Variants in SLC13A4 observed in about 807,000 individuals in gnomAD.
SLC13A4 encodes Na(+)/sulfate cotransporter SUT-1.
In SLC13A4, 28 loss-of-function variants were observed where a neutral mutation model predicts 72.7. The ratio of observed to expected loss-of-function variants is 0.39; its 90% CI spans 0.29 to 0.53. SLC13A4 has a LOEUF of 0.53. Among genes scored for constraint, SLC13A4 ranks in the 20% least tolerant of loss-of-function variants. SLC13A4 has a pLI of 0.78. For synonymous variants in SLC13A4, 312 were observed against 325.5 expected, an observed-to-expected ratio of 0.96 and a Z score of 0.45; for missense variants, 653 against 788.0, an observed-to-expected ratio of 0.83 and a Z score of 2.05.
chr7:135,685,524 G>C lies in SLC13A4; in HGVS notation c.1606C>G (p.Leu536Val). The change falls in exon 14 of 16, where the codon CTG becomes GTG. Residue 536 changes from leucine to valine, a missense_variant and splice_region_variant. By Grantham distance (32) the Leu-to-Val change is conservative. Coordinates refer to ENST00000682651, the MANE Select transcript of SLC13A4 (RefSeq NM_001318192.2). ...ITIFLPILCS[L>V]SETLHINPLY... is the part of the protein sequence containing the mutation. ...TCTGGGAGCTCCGCATTACTCACCA[G>C]GCTGCACAGGATGGGCAGGAAGATG... 6.2e-7 allele frequency: 1 copy of C among 1,614,012 alleles called. No individual in the cohort carries two copies. Among genetic ancestry groups the C allele is most frequent in the South Asian group, 1.1e-5 (1 of 91,064 alleles).
chr7:135,715,364 T>C (rs1387004348), intron 2 of SLC13A4, among the ~76,000 whole-genome samples: 1 of 106,470 alleles, frequency 9.4e-6, no homozygotes, highest in South Asian at 3.1e-4. Flanking sequence ...TATGAGTGTA[T>C]GTGTATGAGT....
intron 7 of SLC13A4, 75 bp from the exon 8 acceptor site, chr7:135,699,623 C>G (rs1160990834): frequency 8.1e-6 from 11 of 1,353,846 alleles, no homozygotes; most frequent in African/African-American, 1.5e-5. Context: ...GCAGGAGGCA[C>G]CATGGTACAG....
At chr7:135,691,414 G>A (rs1795783871) in intron 12 of SLC13A4, 89 bp from the exon 13 acceptor site, 15 of 1,293,152 alleles carry the variant, frequency 1.2e-5, no homozygotes, top group African/African-American at 1.6e-5. Flanking sequence ...GGATGATTTG[G>A]GATACTGCTA....
intron 2 of SLC13A4, among the ~76,000 whole-genome samples, chr7:135,714,982 GTGTA>G (rs1417988711): frequency 6.9e-6 from 1 of 145,094 alleles, no homozygotes; most frequent in Non-Finnish European, 1.5e-5. Flanking sequence ...GTGAAAGTGT[GTGTA>G]TGTGTGTGTA....
intron 13 of SLC13A4, among the ~76,000 whole-genome samples, chr7:135,690,702 C>G (rs1024460023): frequency 1.3e-5 from 2 of 149,090 alleles, no homozygotes; most frequent in African/African-American, 2.5e-5. Flanking sequence ...CCATCTGTTC[C>G]TCTGTTCCTA....
chr7:135,684,809 A>G (rs1033662651), intron 14 of SLC13A4, among the ~76,000 whole-genome samples: 1 of 152,154 alleles, frequency 6.6e-6, no homozygotes, highest in African/African-American at 2.4e-5. Flanking sequence ...AGCAGAGAGT[A>G]TGGCTCTGGG....
At chr7:135,711,780 C>A (rs1156776977) in intron 2 of SLC13A4, among the ~76,000 whole-genome samples, 1 of 151,876 alleles carries the variant, frequency 6.6e-6, no homozygotes, top group Non-Finnish European at 1.5e-5. Context: ...TTTTTTGAGA[C>A]AGAGAGTTGT....
At chr7:135,703,305 T>G (rs529303903) in intron 5 of SLC13A4, 16 of 176,144 alleles carry the variant, frequency 9.1e-5, no homozygotes, top group African/African-American at 3.3e-4. Context: ...AGTCCAGGAG[T>G]CTGTCTCTCT....
chr7:135,691,933 G>C, intron 11 of SLC13A4: 1 of 428,202 alleles, frequency 2.3e-6, no homozygotes, highest in African/African-American at 2.0e-5. Flanking sequence ...GAGTTGGTTA[G>C]ATAAAGGAGA....
rs148369454 is a variant in SLC13A4 at position 135,684,126 on chromosome 7, T to A, written c.1744A>T (p.Met582Leu). 40 of 1,603,090 alleles carry A rather than the reference T, an allele frequency of 2.5e-5. No homozygotes were observed. The African/African-American group carries it at 3.5e-4, about 14-fold the overall frequency. The change falls in exon 15 of 16, where the codon ATG (methionine) becomes TTG (leucine). Residue 582 changes from methionine (M) to leucine (L), a missense_variant and splice_region_variant. By Grantham distance (15) the Met-to-Leu change is conservative. Coordinates refer to ENST00000682651, the MANE Select transcript of SLC13A4 (RefSeq NM_001318192.2). ...FSYGHCQIKD[M>L]VKAGLGVNVI... is the part of the protein sequence containing the mutation. ...AGGGAGAGGGCACCCCAACTCACCA[T>A]ATCTTTGATCTGGCAGTGCCCATAG...
chr7:135,707,178 G>A (rs1440340613), intron 3 of SLC13A4, among the ~76,000 whole-genome samples: 1 of 152,166 alleles, frequency 6.6e-6, no homozygotes, highest in African/African-American at 2.4e-5. Context: ...GATGTAAATA[G>A]GGAGGAGTGG....
At chr7:135,722,497 C>T (rs1796569261) in intron 1 of SLC13A4, among the ~76,000 whole-genome samples, 1 of 151,594 alleles carries the variant, frequency 6.6e-6, no homozygotes, top group Non-Finnish European at 1.5e-5. Context: ...GGGGGATCAG[C>T]AAGGCCTGGA....
chr7:135,701,139 T>C (rs1014382806), intron 7 of SLC13A4, among the ~76,000 whole-genome samples: 1 of 152,178 alleles, frequency 6.6e-6, no homozygotes, highest in African/African-American at 2.4e-5. Context: ...AGTGCAATGA[T>C]TGATACATAA....
chr7:135,686,422 G>C (rs180987627), intron 13 of SLC13A4, among the ~76,000 whole-genome samples: 2 of 152,196 alleles, frequency 1.3e-5, no homozygotes, highest in Non-Finnish European at 2.9e-5. Flanking sequence ...CAGGGTCCAG[G>C]ATGAGTGCAG....
rs747601112 is a variant in SLC13A4, at chr7:135,699,345, G to A, written c.899+19C>T. 6.3e-7 allele frequency: 1 copy of A among 1,598,530 alleles called. No homozygotes were observed. The highest frequency in any genetic ancestry group is 8.5e-7 in the Non-Finnish European group (1 of 1,170,708). ...CAGTGGTGGTTAGTAAATATTTGTT[G>A]ACCAAGTGAATCACTTACTTGTTGA... On this transcript the variant is annotated intron_variant, in intron 8 of 15. Coordinates refer to ENST00000682651, the MANE Select transcript of SLC13A4 (RefSeq NM_001318192.2).
intron 3 of SLC13A4, among the ~76,000 whole-genome samples, chr7:135,706,620 C>T (rs3112352): frequency 0.61 from 93,367 of 152,162 alleles, 28,884 homozygotes; most frequent in East Asian, 0.88. Flanking sequence ...TCTGTCTCCA[C>T]GGACATTGGC....
rs553179979 is a variant in SLC13A4 at position 135,691,579 on chromosome 7, C to T, written c.1290G>A (p.Ala430=). Residue 430 remains alanine, a synonymous_variant, in exon 12 of 16, where the codon GCG becomes GCA. Transcript: ENST00000682651. The part of the protein sequence containing the change: ...FLGFLLFLIP[A]KKPCFGKKND... ...TCTTTTTCCCAAAGCAGGGCTTCTT[C>T]GCTGGAATGAGGAAGAGGAGGAAGC... is the stretch of plus-strand genomic sequence containing the variant. 3.2e-4 allele frequency: 509 copies of T among 1,613,776 alleles called. 3 individuals carry two copies. The South Asian group carries it at 4.8e-3, about 15-fold the overall frequency.
intron 4 of SLC13A4, 129 bp downstream of exon 4, chr7:135,705,999 A>C: frequency 2.7e-6 from 2 of 737,622 alleles, no homozygotes; most frequent in South Asian, 2.4e-5. Context: ...AGGAAGGGGA[A>C]TGTGGGGGCA....
intron 1 of SLC13A4, 143 bp downstream of exon 1, chr7:135,727,255 T>C: frequency 8.9e-7 from 1 of 1,123,322 alleles, no homozygotes. Context: ...CTTGGTTTCC[T>C]CTGGAAAAAT....
Sources: gnomAD v4.1 joint callset for allele counts (sites outside exome capture counted in the v4.1 genomes callset) on GRCh38, gnomAD v4.1.1 for gene constraint, MANE v1.5 for transcripts, NCBI Gene and HGNC (gene_info 2026-07-23, HGNC 2026-07-21) for gene names.